Variants in SEPTIN7 observed in about 807,000 individuals in gnomAD.
The protein encoded by SEPTIN7 is septin 7.
A neutral mutation model predicts 63.3 loss-of-function variants in SEPTIN7; 10 were observed. That is an observed-to-expected ratio of 0.16 (90% CI 0.10 to 0.27). The LOEUF (loss-of-function observed/expected upper bound fraction) is 0.27, where lower values mean the gene tolerates loss of function less well. SEPTIN7 is among the 10% of genes least tolerant of loss of function. SEPTIN7 has a pLI of 1.00. For synonymous variants in SEPTIN7, 131 were observed against 165.3 expected, an observed-to-expected ratio of 0.79 and a Z score of 1.59; for missense variants, 310 against 521.0, an observed-to-expected ratio of 0.59 and a Z score of 3.94.
In SEPTIN7 at chr7:35,890,711, T is replaced by C. The variant is rs1340487378; in HGVS notation, c.916T>C (p.Tyr306His). The change falls in exon 11 of 14, where the codon TAT becomes CAT. Residue 306 changes from tyrosine to histidine, a missense_variant. Tyr to His is a moderately conservative substitution (Grantham distance 83). Coordinates refer to ENST00000350320, the MANE Select transcript of SEPTIN7 (RefSeq NM_001788.6). ...DLKDVTNNVH[Y>H]ENYRSRKLAA... Reference sequence around the variant, plus strand: ...GAAAGATGTTACTAATAATGTCCACTATGAGAACTACAGAAGCAGAAAACT... The same window carrying C: ...GAAAGATGTTACTAATAATGTCCACCATGAGAACTACAGAAGCAGAAAACT... The C allele has an allele frequency of 1.9e-6, 3 of 1,598,306 alleles. No individual in the cohort carries two copies. Among genetic ancestry groups the C allele is most frequent in the Non-Finnish European group, 2.6e-6 (3 of 1,174,298 alleles).
chr7:35,859,840 T>C (rs904973123), intron 3 of SEPTIN7, among the ~76,000 whole-genome samples: 1 of 152,180 alleles, frequency 6.6e-6, no homozygotes, highest in Non-Finnish European at 1.5e-5. Flanking sequence ...AGTATCTTTT[T>C]CCAACCTTTT....
rs372569597 is a variant in SEPTIN7 at position 35,832,863 on chromosome 7, G to C, written c.132G>C (p.Ser44=). The change falls in exon 3 of 14, where the codon TCG becomes TCC. Residue 44 remains serine (S), a synonymous_variant. Transcript: ENST00000350320. Reference sequence around the variant, plus strand: ...TCCCAAATCAAGTATACAGAAAATCGGTGAAGAGAGGTTTTGAATTCACGC... The same window carrying C: ...TCCCAAATCAAGTATACAGAAAATCCGTGAAGAGAGGTTTTGAATTCACGC... ...ANLPNQVYRK[S]VKRGFEFTLM... is the part of the protein sequence containing the mutation. 1 of 1,609,118 alleles carries C rather than the reference G, an allele frequency of 6.2e-7. No individual in the cohort carries two copies. The highest frequency in any genetic ancestry group is 2.2e-5 in the East Asian group (1 of 44,784).
At chr7:35,912,598 TAG>T in the SEPTIN7 span, among the ~76,000 whole-genome samples, 2 of 152,232 alleles carry the variant, frequency 1.3e-5, no homozygotes, top group African/African-American at 4.8e-5. Context: ...ACCACTGGGT[TAG>T]AGTCTCCCCG....
intron 1 of SEPTIN7, among the ~76,000 whole-genome samples, chr7:35,811,191 T>G (rs1788686623): frequency 6.6e-6 from 1 of 152,152 alleles, no homozygotes; most frequent in Admixed American, 6.5e-5. Flanking sequence ...AATAATTTTC[T>G]TAGTTCTTTC....
chr7:35,873,811 G>A (rs1583600524), intron 6 of SEPTIN7, 36 bp downstream of exon 6: 2 of 1,596,960 alleles, frequency 1.3e-6, no homozygotes, highest in Admixed American at 1.7e-5. Flanking sequence ...CTTTTTTGTT[G>A]TTGTTGCTTA....
chr7:35,804,047 T>C (rs151228352), intron 1 of SEPTIN7, among the ~76,000 whole-genome samples: 1 of 152,320 alleles, frequency 6.6e-6, no homozygotes, highest in African/African-American at 2.4e-5. Context: ...ATGAGTCAAA[T>C]CTAAGGTCTT....
intron 4 of SEPTIN7, 119 bp downstream of exon 4, chr7:35,863,777 G>GT: frequency 2.0e-6 from 1 of 496,466 alleles, no homozygotes; most frequent in South Asian, 3.6e-5. Context: ...CTTAGCCAGT[G>GT]TATGATGGTA....
chr7:35,815,718 A>G (rs1789015605), intron 1 of SEPTIN7, among the ~76,000 whole-genome samples: 1 of 152,138 alleles, frequency 6.6e-6, no homozygotes, highest in African/African-American at 2.4e-5. Context: ...AAAGTTAGTT[A>G]TATTCTTTTC....
At chr7:35,876,781 C>T (rs531663936) in intron 6 of SEPTIN7, among the ~76,000 whole-genome samples, 66 of 152,168 alleles carry the variant, frequency 4.3e-4, no homozygotes, top group Non-Finnish European at 6.0e-4. Flanking sequence ...CCAGCCTGGC[C>T]AACATGGTGA....
At chr7:35,849,301 G>GGC (rs1045387412) in intron 3 of SEPTIN7, among the ~76,000 whole-genome samples, 1 of 151,702 alleles carries the variant, frequency 6.6e-6, no homozygotes, top group Non-Finnish European at 1.5e-5. Flanking sequence ...TTTCTGCCAG[G>GGC]GTGTGTGTGT....
chr7:35,825,805 T>A (rs1361056810), intron 1 of SEPTIN7, among the ~76,000 whole-genome samples: 9 of 152,148 alleles, frequency 5.9e-5, no homozygotes, highest in Non-Finnish European at 1.3e-4. Context: ...AAAGAAAAAT[T>A]GATTTAAATT....
At chr7:35,883,841 T>A (rs1246183360) in intron 8 of SEPTIN7, 50 bp from the exon 9 acceptor site, 4 of 1,084,584 alleles carry the variant, frequency 3.7e-6, no homozygotes, top group Non-Finnish European at 2.7e-6. Context: ...TATTTTTGAA[T>A]TTGTGAGGAC....
At chr7:35,805,777 G>A (rs1409668086) in intron 1 of SEPTIN7, among the ~76,000 whole-genome samples, 1 of 152,206 alleles carries the variant, frequency 6.6e-6, no homozygotes, top group East Asian at 1.9e-4. Flanking sequence ...TTTGCTTTAT[G>A]TGAAATATAA....
intron 3 of SEPTIN7, among the ~76,000 whole-genome samples, chr7:35,860,764 A>G (rs900886185): frequency 2.0e-5 from 3 of 152,174 alleles, no homozygotes; most frequent in Non-Finnish European, 2.9e-5. Flanking sequence ...CTCTTTTGCC[A>G]CTTTCAAGAT....
Position 35,882,513 on chromosome 7 carries a change from T to A in SEPTIN7, c.660T>A (p.Ile220=). 6.8e-7 allele frequency: 1 copy of A among 1,477,614 alleles called. No homozygotes were observed. Among genetic ancestry groups the A allele is most frequent in the South Asian group, 1.3e-5 (1 of 77,404 alleles). The allele number at this position is 1,477,614 out of a possible 1,614,324, so 91.5% of individuals were successfully genotyped here. ...TGAAAGAAATCCAAGAACATAAAAT[T>A]AAAATATACGAATTTCCAGAAACAG... ...QIMKEIQEHK[I]KIYEFPETDD... The change falls in exon 8 of 14, where the codon ATT becomes ATA. Residue 220 remains isoleucine (I), a synonymous_variant. Transcript: ENST00000350320.
chr7:35,903,042 A>G (rs1202620191), intron 12 of SEPTIN7, 34 bp from the exon 13 acceptor site: 3 of 1,521,210 alleles, frequency 2.0e-6, no homozygotes, highest in African/African-American at 2.8e-5. Flanking sequence ...GATTTCTTAA[A>G]TAGTTTTGTT....
At chr7:35,820,764 G>A (rs1789363439) in intron 1 of SEPTIN7, among the ~76,000 whole-genome samples, 1 of 151,614 alleles carries the variant, frequency 6.6e-6, no homozygotes, top group African/African-American at 2.4e-5. Flanking sequence ...AGTTTTTTTT[G>A]CAAGGCTCAT....
intron 11 of SEPTIN7, among the ~76,000 whole-genome samples, chr7:35,892,872 C>T (rs902279153): frequency 7.2e-5 from 11 of 152,180 alleles, no homozygotes; most frequent in African/African-American, 2.6e-4. Context: ...TGCTAAAAAG[C>T]AAATTGGCCC....
the SEPTIN7 span, among the ~76,000 whole-genome samples, chr7:35,915,147 GTA>G: frequency 6.6e-6 from 1 of 151,856 alleles, no homozygotes; most frequent in Non-Finnish European, 1.5e-5. Context: ...ATATACACAT[GTA>G]TACATGTGTA....
Sources: allele counts gnomAD v4.1 joint callset (sites outside exome capture counted in the v4.1 genomes callset), GRCh38; gene constraint gnomAD v4.1.1; transcripts MANE v1.5; gene names NCBI Gene and HGNC (gene_info 2026-07-23, HGNC 2026-07-21).